The following STAT4 variants were observed in gnomAD, a reference collection of about 807,000 sequenced individuals.
STAT4 encodes the protein signal transducer and activator of transcription 4.
STAT4 carries 42 observed loss-of-function variants against 110.5 expected under a neutral mutation model. The observed-to-expected ratio is 0.38, with a 90% confidence interval of 0.30 to 0.49. STAT4 has a LOEUF of 0.49. Among genes scored for constraint, STAT4 ranks in the 20% least tolerant of loss-of-function variants. The pLI is 0.95. For synonymous variants in STAT4, 284 were observed against 302.2 expected (o/e 0.94, Z 0.63); for missense variants, 632 against 887.9 (o/e 0.71, Z 3.66).
intron 4 of STAT4, 187 bp downstream of exon 4, chr2:191,076,040 G>T: frequency 4.1e-6 from 2 of 492,464 alleles, no homozygotes; most frequent in African/African-American, 2.0e-5. Context: ...TTTTTTTGGA[G>T]ACAGGGTCTT....
intron 3 of STAT4, among the ~76,000 whole-genome samples, chr2:191,120,001 G>C (rs561763826): frequency 2.8e-4 from 42 of 152,204 alleles, no homozygotes; most frequent in African/African-American, 9.6e-4. Context: ...TATCCACATG[G>C]AAAAAGCCTA....
rs1697093393 is a variant in STAT4, at chr2:191,069,828, A to G, written c.466-57T>C. On this transcript the variant is annotated intron_variant, in intron 5 of 23. Transcript: ENST00000392320. The stretch of plus-strand genomic sequence containing the variant: ...TGTCACAATTAAGCATGTCAATCAA[A>G]CAACATCATAAGTATTTTAAAAAAC... The G allele has an allele frequency of 2.2e-6, 3 of 1,376,996 alleles. No homozygotes were observed. The South Asian group carries it at 3.8e-5, about 17-fold the overall frequency. The allele number at this position is 1,376,996 out of a possible 1,614,324, so 85.3% of individuals were successfully genotyped here.
intron 3 of STAT4, among the ~76,000 whole-genome samples, chr2:191,087,404 T>C (rs1185976776): frequency 6.6e-6 from 1 of 152,130 alleles, no homozygotes; most frequent in Non-Finnish European, 1.5e-5. Flanking sequence ...TTTAAAATGG[T>C]TGCAGCTTGG....
At chr2:191,101,628 A>T (rs1698150969) in intron 3 of STAT4, among the ~76,000 whole-genome samples, 1 of 152,126 alleles carries the variant, frequency 6.6e-6, no homozygotes, top group Non-Finnish European at 1.5e-5. Flanking sequence ...TCATTCATTT[A>T]TGGTTTTCAT....
rs184309882 is a variant in STAT4, at chr2:191,077,465, T to C, written c.274-1140A>G. The stretch of plus-strand genomic sequence containing the variant: ...ACAGGAAGCACAGTAGAAAAATGCA[T>C]TTATTTAGTTTCCCTCAGCCCTCCT... On this transcript the variant is annotated intron_variant, in intron 3 of 23. Transcript: ENST00000392320. This position sits in a 1 kb window ranked among gnomAD's most constrained non-coding sequence, Gnocchi z 4.1. Among the ~76,000 whole-genome samples the C allele has an allele frequency of 5.9e-5, 9 of 152,322 alleles. No individual in the cohort carries two copies. The East Asian group carries it at 9.6e-4, about 16-fold the overall frequency.
At chr2:191,089,419 C>A (rs911707935) in intron 3 of STAT4, among the ~76,000 whole-genome samples, 2 of 152,106 alleles carry the variant, frequency 1.3e-5, no homozygotes, top group African/African-American at 4.8e-5. Flanking sequence ...AATGTTGATG[C>A]GGATGTGGAG....
At chr2:191,125,341 C>T (rs1020615448) in intron 3 of STAT4, among the ~76,000 whole-genome samples, 3 of 151,996 alleles carry the variant, frequency 2.0e-5, no homozygotes, top group Admixed American at 2.0e-4. Context: ...CGTAACTTTA[C>T]ACCTCATTGT....
chr2:191,034,218 T>C (rs3024932), intron 18 of STAT4, among the ~76,000 whole-genome samples: 24 of 152,126 alleles, frequency 1.6e-4, no homozygotes, highest in Middle Eastern at 3.4e-3. Flanking sequence ...GTCAGGAGAT[T>C]GAGACCATCC....
At position 191,086,460 on chromosome 2, in the gene STAT4, T is replaced by C. The variant is rs1477134405; in HGVS notation, c.274-10135A>G. On this transcript the variant is annotated intron_variant, in intron 3 of 23. Coordinates refer to ENST00000392320, the MANE Select transcript of STAT4 (RefSeq NM_003151.4). The surrounding 1 kb of genome is among the most constrained non-coding windows in gnomAD (Gnocchi z 5.5). The stretch of plus-strand genomic sequence containing the variant: ...CAAAGCTAATTTTAAAAAGAGCCTG[T>C]ATAGCAAATAATTACTTTCAATGCA... 6.6e-6 allele frequency among the ~76,000 whole-genome samples: 1 copy of C among 152,246 alleles called. No individual in the cohort carries two copies. Among genetic ancestry groups the C allele is most frequent in the African/African-American group, 2.4e-5 (1 of 41,470 alleles).
At chr2:191,121,376 G>A (rs1311596256) in intron 3 of STAT4, among the ~76,000 whole-genome samples, 3 of 152,154 alleles carry the variant, frequency 2.0e-5, no homozygotes, top group African/African-American at 7.2e-5. Flanking sequence ...ATTCCTCAAG[G>A]ATCTAGAACT....
intron 5 of STAT4, 90 bp downstream of exon 5, chr2:191,073,008 A>G: frequency 2.1e-6 from 2 of 970,596 alleles, no homozygotes; most frequent in South Asian, 1.7e-5. Context: ...TGATTTCTGT[A>G]TACATTAACT....
rs1695856299 is a variant in STAT4 at position 191,030,417 on chromosome 2, T to C, written c.2221-551A>G. ...CCAAATAACATTATTGCATTAAAGA[T>C]TATGACTCATTTCTCAAAAAGGAGA... On this transcript the variant is annotated intron_variant, in intron 23 of 23. Coordinates refer to ENST00000392320, the MANE Select transcript of STAT4 (RefSeq NM_003151.4). This position sits in a 1 kb window ranked among gnomAD's most constrained non-coding sequence, Gnocchi z 4.4. Among the ~76,000 whole-genome samples the C allele has an allele frequency of 6.6e-6, 1 of 152,206 alleles. No homozygotes were observed. The highest frequency in any genetic ancestry group is 1.5e-5 in the Non-Finnish European group (1 of 68,026).
chr2:191,075,101 A>G (rs919001279), intron 4 of STAT4, among the ~76,000 whole-genome samples: 20 of 152,120 alleles, frequency 1.3e-4, no homozygotes, highest in Non-Finnish European at 2.6e-4. Context: ...CAGAGGCTGC[A>G]GTGAGCCGAG....
rs1485169898 is a variant in STAT4, at chr2:191,043,054, C to T, written c.1252-1906G>A. Among the ~76,000 whole-genome samples, 3 of 152,184 alleles carry T rather than the reference C, an allele frequency of 2.0e-5. No individual in the cohort carries two copies. The highest frequency in any genetic ancestry group is 7.2e-5 in the African/African-American group (3 of 41,448). ...TTGGCCTCCCAAAGTGCTGGGATTA[C>T]AGGCGTGAGCCACTGCGCCCGGCCG... On this transcript the variant is annotated intron_variant, in intron 14 of 23. Transcript: ENST00000392320. This position sits in a 1 kb window ranked among gnomAD's most constrained non-coding sequence, Gnocchi z 4.8.
Position 191,090,968 on chromosome 2 carries a change from C to T in STAT4, c.274-14643G>A, listed in dbSNP as rs1002678118. 2.6e-5 allele frequency among the ~76,000 whole-genome samples: 4 copies of T among 152,086 alleles called. No individual in the cohort carries two copies. The highest frequency in any genetic ancestry group is 9.7e-5 in the African/African-American group (4 of 41,394). ...TTTCCTGCAGAATGATCTATGTCTACGAAGACTTAACCCTTCTAGACAATC... is the reference window on the plus strand; with the variant it reads ...TTTCCTGCAGAATGATCTATGTCTATGAAGACTTAACCCTTCTAGACAATC... On this transcript the variant is annotated intron_variant, in intron 3 of 23. Transcript: ENST00000392320. This position sits in a 1 kb window ranked among gnomAD's most constrained non-coding sequence, Gnocchi z 4.2.
At chr2:191,071,375 C>T (rs1697146459) in intron 5 of STAT4, among the ~76,000 whole-genome samples, 1 of 152,084 alleles carries the variant, frequency 6.6e-6, no homozygotes, top group Admixed American at 6.6e-5. Context: ...CTCTGAGCTA[C>T]TAAACTCATG....
Position 191,039,128 on chromosome 2 carries a change from T to G in STAT4, c.1434+71A>C. On this transcript the variant is annotated intron_variant, in intron 16 of 23. Transcript: ENST00000392320. The surrounding 1 kb of genome is among the most constrained non-coding windows in gnomAD (Gnocchi z 4.7). ...CCCCACTGGCACACACATGTTTTGATGCAGATGTGTTTGTTGGCAATAAAA... is the reference window on the plus strand; with the variant it reads ...CCCCACTGGCACACACATGTTTTGAGGCAGATGTGTTTGTTGGCAATAAAA... 13 of 1,360,622 alleles carry G rather than the reference T, an allele frequency of 9.6e-6. No individual in the cohort carries two copies. The highest frequency in any genetic ancestry group is 6.9e-5 in the East Asian group (3 of 43,592). 84.3% of individuals were successfully genotyped at this position (1,360,622 alleles called of 1,614,324 possible). A position where few individuals can be genotyped will look rare whatever the true frequency, so the allele number is the denominator to read the frequency against.
Position 191,133,550 on chromosome 2 carries a change from G to A in STAT4, c.273+13063C>T, listed in dbSNP as rs531703825. Among the ~76,000 whole-genome samples the A allele has an allele frequency of 1.1e-3, 169 of 151,702 alleles. 2 individuals are homozygous for A. Among genetic ancestry groups the A allele is most frequent in the African/African-American group, 3.8e-3 (157 of 41,064 alleles). On this transcript the variant is annotated intron_variant, in intron 3 of 23. Coordinates refer to ENST00000392320, the MANE Select transcript of STAT4 (RefSeq NM_003151.4). ...ACATGTATAAGGGGATGTCTGGAAT[G>A]ACACCTATCAAATATTAATATGTTT...
In STAT4 at chr2:191,050,223, C is replaced by A. The variant is rs1486003276; in HGVS notation, c.1251+4267G>T. On this transcript the variant is annotated intron_variant, in intron 14 of 23. Transcript: ENST00000392320. This position sits in a 1 kb window ranked among gnomAD's most constrained non-coding sequence, Gnocchi z 4.3. ...CAAACAGTTTTCACATTTCAATAAT[C>A]ACTCTCTAGCTGGCTCCCTGCTAGA... is the stretch of plus-strand genomic sequence containing the variant. 6.6e-6 allele frequency among the ~76,000 whole-genome samples: 1 copy of A among 152,216 alleles called. No individual in the cohort carries two copies. The highest frequency in any genetic ancestry group is 2.4e-5 in the African/African-American group (1 of 41,436).
Sources: gnomAD v4.1 joint callset for allele counts (sites outside exome capture counted in the v4.1 genomes callset) on GRCh38, gnomAD v4.1.1 for gene constraint, Gnocchi (gnomAD v3.1) non-coding constraint, MANE v1.5 for transcripts, NCBI Gene and HGNC (gene_info 2026-07-23, HGNC 2026-07-21) for gene names.